Variants in GPC5 observed in about 807,000 individuals in gnomAD.
GPC5 encodes the protein glypican-5.
In GPC5, 47 loss-of-function variants were observed where a neutral mutation model predicts 53.9. The ratio of observed to expected loss-of-function variants is 0.87; its 90% CI spans 0.69 to 1.11. The LOEUF is 1.11. Ranked by LOEUF, GPC5 falls within the 50% of genes most tolerant of loss-of-function variation. The pLI, the probability that GPC5 is intolerant of heterozygous loss-of-function variation, is 0.00. For synonymous variants in GPC5, 286 were observed against 263.3 expected, an observed-to-expected ratio of 1.09 and a Z score of -0.84; for missense variants, 748 against 713.1, an observed-to-expected ratio of 1.05 and a Z score of -0.56.
Position 92,394,488 on chromosome 13 carries a change from GA to G in GPC5, c.1561+249501del, listed in dbSNP as rs1400253862. Among the ~76,000 whole-genome samples the G allele has an allele frequency of 6.8e-4, 103 of 152,116 alleles. 2 individuals carry two copies. The highest frequency in any genetic ancestry group is 2.4e-4 in the Non-Finnish European group (16 of 68,028). On this transcript the variant is annotated intron_variant, in intron 7 of 7. Transcript: ENST00000377067. ...TTTCTCCCATGGAAGGACAAAACAAGAAGTTGACATTCTGCAATATGAAAGA... is the reference window on the plus strand; with the variant it reads ...TTTCTCCCATGGAAGGACAAAACAAGAGTTGACATTCTGCAATATGAAAGA...
At chr13:91,976,313 G>T (rs2040301463) in intron 6 of GPC5, among the ~76,000 whole-genome samples, 1 of 152,086 alleles carries the variant, frequency 6.6e-6, no homozygotes, top group Non-Finnish European at 1.5e-5. Flanking sequence ...AAACATCATG[G>T]CAATAATAAA....
At chr13:92,569,675 G>A (rs1395371126) in intron 7 of GPC5, among the ~76,000 whole-genome samples, 4 of 152,122 alleles carry the variant, frequency 2.6e-5, no homozygotes, top group South Asian at 2.1e-4. Context: ...CAAAGCAAAA[G>A]TAAATTCTGT....
intron 7 of GPC5, among the ~76,000 whole-genome samples, chr13:92,500,407 C>A (rs756361791): frequency 6.6e-6 from 1 of 152,072 alleles, no homozygotes; most frequent in African/African-American, 2.4e-5. Flanking sequence ...TTACTGTTGC[C>A]GGACCCCCAG....
intron 6 of GPC5, among the ~76,000 whole-genome samples, chr13:92,085,187 C>T (rs991399734): frequency 1.2e-4 from 18 of 152,152 alleles, no homozygotes; most frequent in East Asian, 3.9e-4. Flanking sequence ...GACCATAGCA[C>T]GAGTCGATAT....
intron 7 of GPC5, among the ~76,000 whole-genome samples, chr13:92,677,788 T>C (rs1263521848): frequency 6.6e-6 from 1 of 152,180 alleles, no homozygotes; most frequent in Non-Finnish European, 1.5e-5. Flanking sequence ...ACCCATGTGC[T>C]TTATCTACTC....
chr13:92,042,950 G>C (rs907049667), intron 6 of GPC5, among the ~76,000 whole-genome samples: 4 of 152,160 alleles, frequency 2.6e-5, no homozygotes, highest in African/African-American at 7.2e-5. Flanking sequence ...AAATTCTAGA[G>C]TGGAAAATAC....
intron 5 of GPC5, among the ~76,000 whole-genome samples, chr13:91,787,038 G>T (rs1399268824): frequency 6.6e-6 from 1 of 150,984 alleles, no homozygotes; most frequent in African/African-American, 2.4e-5. Flanking sequence ...TGTGACTAAT[G>T]TGTTTATGTT....
At chr13:92,492,211 A>G (rs567329056) in intron 7 of GPC5, among the ~76,000 whole-genome samples, 112 of 152,276 alleles carry the variant, frequency 7.4e-4, no homozygotes, top group Non-Finnish European at 1.2e-3. Flanking sequence ...AATGATGTCA[A>G]TGTTGTGATT....
chr13:92,253,241 G>A (rs1003261234), intron 7 of GPC5, among the ~76,000 whole-genome samples: 3 of 152,056 alleles, frequency 2.0e-5, no homozygotes, highest in Admixed American at 6.6e-5. Context: ...AAGAGTGAGC[G>A]TTTTAACCAG....
intron 2 of GPC5, among the ~76,000 whole-genome samples, chr13:91,574,262 A>T (rs1256412548): frequency 1.3e-5 from 2 of 152,172 alleles, no homozygotes; most frequent in African/African-American, 2.4e-5. Flanking sequence ...GTGTAATTTT[A>T]GATAAGCCAC....
rs1269681523 is a variant in GPC5 at position 92,866,878 on chromosome 13, C to G, written c.*439C>G. The G allele has an allele frequency of 6.6e-6, 1 of 152,328 alleles. No individual in the cohort carries two copies. Among genetic ancestry groups the G allele is most frequent in the Non-Finnish European group, 1.5e-5 (1 of 68,226 alleles). The allele number at this position is 152,328 out of a possible 1,614,324, so 9.4% of individuals were successfully genotyped here. A position where few individuals can be genotyped will look rare whatever the true frequency, so the allele number is the denominator to read the frequency against. On this transcript the variant is annotated 3_prime_UTR_variant, in exon 8 of 8. Transcript: ENST00000377067. ...GAAATTAGAATATCATGAAATAAATCAAAACATACAATGGCAAGTAGTATG... is the reference window on the plus strand; with the variant it reads ...GAAATTAGAATATCATGAAATAAATGAAAACATACAATGGCAAGTAGTATG...
chr13:91,870,306 C>G (rs906542060), intron 5 of GPC5, among the ~76,000 whole-genome samples: 2 of 152,108 alleles, frequency 1.3e-5, no homozygotes, highest in Non-Finnish European at 2.9e-5. Flanking sequence ...ATTGCCTGAA[C>G]AAATGACAGC....
At chr13:92,695,758 T>C (rs1887539366) in intron 7 of GPC5, among the ~76,000 whole-genome samples, 1 of 152,058 alleles carries the variant, frequency 6.6e-6, no homozygotes, top group Admixed American at 6.6e-5. Context: ...AAGTGCAGGT[T>C]TGTTACATAG....
At chr13:92,683,602 T>A (rs569290594) in intron 7 of GPC5, among the ~76,000 whole-genome samples, 3 of 152,172 alleles carry the variant, frequency 2.0e-5, no homozygotes, top group Non-Finnish European at 4.4e-5. Flanking sequence ...TATGAAAAAT[T>A]TACTTTTTCT....
At chr13:92,699,537 T>A (rs9561117) in intron 7 of GPC5, among the ~76,000 whole-genome samples, 19,073 of 152,132 alleles carry the variant, frequency 0.13, 1,845 homozygotes, top group East Asian at 0.4. Context: ...CGATTTTAGA[T>A]CTTTCCTGCT....
intron 6 of GPC5, among the ~76,000 whole-genome samples, chr13:92,038,559 T>C (rs115857621): frequency 0.01 from 1,520 of 149,910 alleles, 28 homozygotes; most frequent in African/African-American, 0.028. Context: ...TTATATATAC[T>C]ATATATATTC....
intron 6 of GPC5, among the ~76,000 whole-genome samples, chr13:92,123,272 G>A (rs1370878460): frequency 2.0e-5 from 3 of 152,170 alleles, no homozygotes; most frequent in South Asian, 4.1e-4. Context: ...TGGTTTTGGT[G>A]GCGGGCACGT....
intron 7 of GPC5, among the ~76,000 whole-genome samples, chr13:92,691,879 C>T (rs1430168252): frequency 1.7e-4 from 26 of 151,788 alleles, no homozygotes; most frequent in Admixed American, 1.7e-3. Context: ...AACTTTTTAT[C>T]AATATCTATT....
At chr13:91,621,790 T>TATATATATATATATAA (rs2033866945) in intron 2 of GPC5, among the ~76,000 whole-genome samples, 1 of 142,540 alleles carries the variant, frequency 7.0e-6, no homozygotes, top group African/African-American at 2.7e-5. Context: ...TATATATATA[T>TATATATATATATATAA]ATGAAGGGGA....
Sources: gnomAD v4.1 joint callset for allele counts (sites outside exome capture counted in the v4.1 genomes callset) on GRCh38, gnomAD v4.1.1 for gene constraint, MANE v1.5 for transcripts, NCBI Gene and HGNC (gene_info 2026-07-23, HGNC 2026-07-21) for gene names.